Variants in MTUS2 observed in about 807,000 individuals in gnomAD.
The protein encoded by MTUS2 is microtubule-associated tumor suppressor candidate 2.
Under a neutral mutation model 114.1 loss-of-function variants are expected in MTUS2, and 40 were observed. The ratio of observed to expected loss-of-function variants is 0.35; its 90% CI spans 0.27 to 0.46. The LOEUF (loss-of-function observed/expected upper bound fraction) is 0.46. Among genes scored for constraint, MTUS2 ranks in the 20% least tolerant of loss-of-function variants. The pLI is 1.00. For missense variants in MTUS2, 1,679 were observed against 1,705.4 expected, an observed-to-expected ratio of 0.98 and a Z score of 0.27; for synonymous variants, 688 against 672.0, an observed-to-expected ratio of 1.02 and a Z score of -0.37.
intron 9 of MTUS2, among the ~76,000 whole-genome samples, chr13:29,471,745 C>CCCCG (rs527980649): frequency 6.8e-6 from 1 of 146,610 alleles, no homozygotes; most frequent in African/African-American, 2.5e-5. Flanking sequence ...AGGCCCAGCC[C>CCCCG]CCCCCGACAC....
chr13:28,917,865 C>A (rs1020620828), intron 2 of MTUS2, among the ~76,000 whole-genome samples: 3 of 151,770 alleles, frequency 2.0e-5, no homozygotes, highest in African/African-American at 7.2e-5. Context: ...AAGCTGTAAA[C>A]TTCCCTTTTA....
At chr13:29,189,446 G>A (rs2139188544) in intron 5 of MTUS2, among the ~76,000 whole-genome samples, 1 of 152,026 alleles carries the variant, frequency 6.6e-6, no homozygotes, top group South Asian at 2.1e-4. Flanking sequence ...TATTAGGGCT[G>A]TAAAGCTATC....
At chr13:29,440,347 C>T (rs1877742020) in intron 9 of MTUS2, among the ~76,000 whole-genome samples, 1 of 152,148 alleles carries the variant, frequency 6.6e-6, no homozygotes, top group Non-Finnish European at 1.5e-5. Context: ...TATCTGGGTC[C>T]CCTCTTATAA....
chr13:28,927,207 T>G (rs1367935048), intron 2 of MTUS2, among the ~76,000 whole-genome samples: 1 of 152,230 alleles, frequency 6.6e-6, no homozygotes, highest in Non-Finnish European at 1.5e-5. Flanking sequence ...CTATGACACT[T>G]GATTCAATAA....
At chr13:28,875,302 C>A (rs574753815) in intron 2 of MTUS2, among the ~76,000 whole-genome samples, 2 of 151,872 alleles carry the variant, frequency 1.3e-5, no homozygotes, top group African/African-American at 2.4e-5. Context: ...GATAAAGCAC[C>A]AGCTAGCACA....
At chr13:29,358,542 A>T (rs1355686723) in intron 7 of MTUS2, among the ~76,000 whole-genome samples, 1 of 152,218 alleles carries the variant, frequency 6.6e-6, no homozygotes, top group Non-Finnish European at 1.5e-5. Flanking sequence ...CACACAAGTG[A>T]TGACGTGCCT....
intron 5 of MTUS2, among the ~76,000 whole-genome samples, chr13:29,252,150 G>T (rs760915187): frequency 6.6e-6 from 1 of 152,084 alleles, no homozygotes; most frequent in Admixed American, 6.5e-5. Context: ...AACTTTACAG[G>T]TAATAGTATT....
intron 2 of MTUS2, among the ~76,000 whole-genome samples, chr13:28,940,902 G>A (rs560974075): frequency 6.6e-6 from 1 of 152,136 alleles, no homozygotes; most frequent in South Asian, 2.1e-4. Flanking sequence ...AATGTTTGAA[G>A]AGATAATGTC....
intron 1 of MTUS2, among the ~76,000 whole-genome samples, chr13:28,837,522 T>G (rs1875174781): frequency 1.3e-5 from 2 of 152,332 alleles, no homozygotes; most frequent in African/African-American, 4.8e-5. Flanking sequence ...CTTCATAGAT[T>G]GGCCTCATTG....
At chr13:29,367,638 G>A (rs947624353) in intron 8 of MTUS2, among the ~76,000 whole-genome samples, 1 of 152,132 alleles carries the variant, frequency 6.6e-6, no homozygotes, top group Non-Finnish European at 1.5e-5. Flanking sequence ...AAAGGAGAGG[G>A]CAGATACAGA....
chr13:29,225,668 A>T (rs1896079843), intron 5 of MTUS2, among the ~76,000 whole-genome samples: 1 of 152,264 alleles, frequency 6.6e-6, no homozygotes, highest in Non-Finnish European at 1.5e-5. Flanking sequence ...ACAAATTAGC[A>T]TCAAAATGTT....
chr13:29,168,888 CTGTGTGTGTGTGTGTG>C (rs57636866), intron 5 of MTUS2, among the ~76,000 whole-genome samples: 4 of 138,382 alleles, frequency 2.9e-5, no homozygotes, highest in African/African-American at 1.1e-4. Flanking sequence ...CTTTATGAAT[CTGTGTGTGTGTGTGTG>C]TGTGTGTGTG....
chr13:28,852,115 ACT>A (rs1340910089), intron 2 of MTUS2, among the ~76,000 whole-genome samples: 3 of 150,780 alleles, frequency 2.0e-5, no homozygotes, highest in Non-Finnish European at 4.4e-5. Flanking sequence ...TTGCAGGATT[ACT>A]CCCTCCTATT....
chr13:29,062,206 G>A (rs1888452632), intron 4 of MTUS2, among the ~76,000 whole-genome samples: 1 of 152,066 alleles, frequency 6.6e-6, no homozygotes, highest in South Asian at 2.1e-4. Flanking sequence ...GGCTGGTCTT[G>A]AACTCCTGAA....
intron 5 of MTUS2, among the ~76,000 whole-genome samples, chr13:29,201,162 C>T (rs1208800334): frequency 6.6e-6 from 1 of 152,164 alleles, no homozygotes; most frequent in African/African-American, 2.4e-5. Flanking sequence ...TTGTAGGTCA[C>T]TAAGAACTTG....
chr13:28,989,941 A>G (rs780026229), intron 2 of MTUS2, among the ~76,000 whole-genome samples: 4 of 151,530 alleles, frequency 2.6e-5, no homozygotes, highest in Admixed American at 6.6e-5. Flanking sequence ...TAAAACACCT[A>G]TGAGGGTCAG....
At chr13:29,270,722 C>G (rs556151575) in intron 5 of MTUS2, among the ~76,000 whole-genome samples, 1 of 152,338 alleles carries the variant, frequency 6.6e-6, no homozygotes, top group South Asian at 2.1e-4. Flanking sequence ...TGTGAGCTCT[C>G]AGCATCACAA....
intron 4 of MTUS2, among the ~76,000 whole-genome samples, chr13:29,082,709 G>A (rs962108424): frequency 6.6e-6 from 1 of 152,192 alleles, no homozygotes; most frequent in East Asian, 1.9e-4. Flanking sequence ...CCTGGGTATG[G>A]AGGGTCACGG....
intron 7 of MTUS2, among the ~76,000 whole-genome samples, chr13:29,326,195 G>A (rs1441919363): frequency 6.6e-6 from 1 of 152,190 alleles, no homozygotes. Flanking sequence ...GGAAGCCGAG[G>A]ATGGGGAGCA....
Sources: gnomAD v4.1 joint callset for allele counts (sites outside exome capture counted in the v4.1 genomes callset) on GRCh38, gnomAD v4.1.1 for gene constraint, MANE v1.5 for transcripts, NCBI Gene and HGNC (gene_info 2026-07-23, HGNC 2026-07-21) for gene names.